Variants in DNAJC3 observed in about 807,000 individuals in gnomAD.
DNAJC3 encodes DnaJ heat shock protein family (Hsp40) member C3.
A neutral mutation model predicts 68.6 loss-of-function variants in DNAJC3; 38 were observed. That is an observed-to-expected ratio of 0.55 (90% CI 0.43 to 0.73). The LOEUF (loss-of-function observed/expected upper bound fraction) is 0.73, where lower values mean the gene tolerates loss of function less well. Among genes scored for constraint, DNAJC3 ranks in the 30% least tolerant of loss-of-function variants. The probability of loss-of-function intolerance (pLI) is 0.00; values close to 1 mark genes in which losing one functional copy is unlikely to be tolerated. For missense variants in DNAJC3, 526 were observed against 591.9 expected (o/e 0.89, Z 1.16); for synonymous variants, 203 against 204.0 (o/e 1.00, Z 0.04).
intron 9 of DNAJC3, among the ~76,000 whole-genome samples, chr13:95,764,371 C>CTATATATA (rs1281146488): frequency 3.8e-5 from 5 of 132,752 alleles, no homozygotes; most frequent in African/African-American, 1.7e-4. Flanking sequence ...CTCTCTCTCT[C>CTATATATA]TCTCTATATA....
intron 4 of DNAJC3, among the ~76,000 whole-genome samples, chr13:95,732,785 T>A (rs1321054087): frequency 2.6e-5 from 4 of 152,050 alleles, no homozygotes; most frequent in East Asian, 1.9e-4. Flanking sequence ...ATCTTTTTTT[T>A]TATATATGTG....
At chr13:95,757,273 T>C (rs753821631) in intron 4 of DNAJC3, among the ~76,000 whole-genome samples, 1 of 152,118 alleles carries the variant, frequency 6.6e-6, no homozygotes, top group Non-Finnish European at 1.5e-5. Context: ...GAACTATAAG[T>C]AGAAGGCAAA....
At chr13:95,723,755 G>C (rs1881420630) in intron 3 of DNAJC3, among the ~76,000 whole-genome samples, 2 of 152,164 alleles carry the variant, frequency 1.3e-5, no homozygotes, top group South Asian at 4.1e-4. Flanking sequence ...ATAAAGTGGG[G>C]ATTACTTAAT....
intron 10 of DNAJC3, 88 bp from the exon 11 acceptor site, chr13:95,786,919 C>T: frequency 6.8e-7 from 1 of 1,480,514 alleles, no homozygotes; most frequent in Non-Finnish European, 9.1e-7. Context: ...TGTTAATTGC[C>T]AGTAGGATCT....
At position 95,791,258 on chromosome 13, in the gene DNAJC3, C is replaced by T. The variant is rs1369627311; in HGVS notation, c.*228C>T. 1 of 534,148 alleles carries T rather than the reference C, an allele frequency of 1.9e-6. No individual in the cohort carries two copies. The highest frequency in any genetic ancestry group is 3.3e-6 in the Non-Finnish European group (1 of 303,888). 33.1% of individuals were successfully genotyped at this position (534,148 alleles called of 1,614,324 possible). ...CTATTTCTGACAGAGCAGCCTGCAT[C>T]TGCTTTATGCTGTCTGGAGGGAAGT... On this transcript the variant is annotated 3_prime_UTR_variant, in exon 12 of 12. Coordinates refer to ENST00000602402, the MANE Select transcript of DNAJC3 (RefSeq NM_006260.5).
At position 95,763,566 on chromosome 13, in the gene DNAJC3, T is replaced by G. The variant is rs1882886040; in HGVS notation, c.849-77T>G. 12 of 1,379,150 alleles carry G rather than the reference T, an allele frequency of 8.7e-6. No homozygotes were observed. The Admixed American group carries it at 2.3e-4, about 27-fold the overall frequency. The allele number at this position is 1,379,150 out of a possible 1,614,324, so 85.4% of individuals were successfully genotyped here. A position where few individuals can be genotyped will look rare whatever the true frequency, so the allele number is the denominator to read the frequency against. On this transcript the variant is annotated intron_variant, in intron 7 of 11. Transcript: ENST00000602402. Reference sequence around the variant, plus strand: ...ATTGGATTGATTAAGCAACACATGGTGAAGAGGGGAGGAGCCTTTCTACAG... The same window carrying G: ...ATTGGATTGATTAAGCAACACATGGGGAAGAGGGGAGGAGCCTTTCTACAG...
At chr13:95,790,207 C>G (rs1385103495) in intron 11 of DNAJC3, among the ~76,000 whole-genome samples, 5 of 152,174 alleles carry the variant, frequency 3.3e-5, no homozygotes, top group Non-Finnish European at 7.4e-5. Context: ...TAGTATTTGC[C>G]TAGGTTGTCT....
chr13:95,749,534 A>G (rs1232468574), intron 4 of DNAJC3, among the ~76,000 whole-genome samples: 1 of 152,156 alleles, frequency 6.6e-6, no homozygotes, highest in African/African-American at 2.4e-5. Context: ...CTTAAATGAT[A>G]AAGTAGAGCC....
intron 4 of DNAJC3, among the ~76,000 whole-genome samples, chr13:95,726,838 T>C (rs1284721525): frequency 6.6e-6 from 1 of 152,230 alleles, no homozygotes; most frequent in Non-Finnish European, 1.5e-5. Context: ...TGATAACCAC[T>C]ATGAAAAGAA....
chr13:95,729,181 TTCTCTCTC>T, intron 4 of DNAJC3, among the ~76,000 whole-genome samples: 1 of 134,708 alleles, frequency 7.4e-6, no homozygotes, highest in Middle Eastern at 3.9e-3. Context: ...CATTCACTCA[TTCTCTCTC>T]TCTCTCTCTC....
intron 2 of DNAJC3, among the ~76,000 whole-genome samples, chr13:95,717,756 A>C (rs1881198418): frequency 6.6e-6 from 1 of 152,180 alleles, no homozygotes; most frequent in Non-Finnish European, 1.5e-5. Flanking sequence ...CTGCCATGTA[A>C]GATGTGCCTT....
intron 1 of DNAJC3, among the ~76,000 whole-genome samples, chr13:95,697,772 C>T (rs1407127808): frequency 6.8e-6 from 1 of 147,866 alleles, no homozygotes; most frequent in African/African-American, 2.5e-5. Flanking sequence ...ATTTAAAAGA[C>T]CAGCCTTCAA....
At chr13:95,680,808 T>G (rs1879891058) in intron 1 of DNAJC3, among the ~76,000 whole-genome samples, 1 of 152,164 alleles carries the variant, frequency 6.6e-6, no homozygotes, top group Non-Finnish European at 1.5e-5. Flanking sequence ...ATTAGTGTCC[T>G]GCAGTTAATC....
chr13:95,750,357 G>A (rs1882437959), intron 4 of DNAJC3, among the ~76,000 whole-genome samples: 1 of 151,830 alleles, frequency 6.6e-6, no homozygotes, highest in Non-Finnish European at 1.5e-5. Flanking sequence ...AAGGTTTTAG[G>A]TTTAGCTTAG....
intron 9 of DNAJC3, among the ~76,000 whole-genome samples, chr13:95,767,506 A>G (rs566293560): frequency 1.3e-5 from 2 of 152,238 alleles, no homozygotes; most frequent in Admixed American, 6.5e-5. Flanking sequence ...TATCTCTGAG[A>G]TCCCGCTTTC....
chr13:95,784,907 C>G (rs895978816), intron 9 of DNAJC3, among the ~76,000 whole-genome samples: 1 of 151,636 alleles, frequency 6.6e-6, no homozygotes. Context: ...CCTGGGAGGT[C>G]GAGGATGCAG....
At chr13:95,727,507 A>G (rs374816872) in intron 4 of DNAJC3, among the ~76,000 whole-genome samples, 16 of 152,182 alleles carry the variant, frequency 1.1e-4, no homozygotes, top group African/African-American at 3.4e-4. Flanking sequence ...ATGAGAATGC[A>G]TATCTGTCTT....
chr13:95,737,564 C>T, intron 4 of DNAJC3, among the ~76,000 whole-genome samples: 1 of 151,928 alleles, frequency 6.6e-6, no homozygotes, highest in Non-Finnish European at 1.5e-5. Flanking sequence ...GTGTATGTGT[C>T]CAGGAATTTA....
chr13:95,764,365 C>CTA (rs1253861012), intron 9 of DNAJC3, among the ~76,000 whole-genome samples: 3 of 142,172 alleles, frequency 2.1e-5, no homozygotes, highest in Non-Finnish European at 3.0e-5. Context: ...CTCTCTCTCT[C>CTA]TCTCTCTCTC....
Sources: allele counts gnomAD v4.1 joint callset (sites outside exome capture counted in the v4.1 genomes callset), GRCh38; gene constraint gnomAD v4.1.1; transcripts MANE v1.5; gene names NCBI Gene and HGNC (gene_info 2026-07-23, HGNC 2026-07-21).